The following USP11 variants were observed in gnomAD, a reference collection of about 807,000 sequenced individuals.
USP11 encodes ubiquitin specific peptidase 11, also known as ubiquitin carboxyl-terminal hydrolase 11.
A neutral mutation model predicts 72.8 loss-of-function variants in USP11; 5 were observed. The ratio of observed to expected loss-of-function variants is 0.07; its 90% CI spans 0.04 to 0.14. USP11 has a LOEUF of 0.14. USP11 is among the 10% of genes least tolerant of loss of function. The pLI is 1.00. For missense variants in USP11, 480 were observed against 794.7 expected (o/e 0.60, Z 4.76); for synonymous variants, 368 against 326.5 (o/e 1.13, Z -1.37).
At chrX:47,246,523 T>C (rs917571677) in intron 17 of USP11, among the ~76,000 whole-genome samples, 1 of 111,691 alleles carries the variant, frequency 9.0e-6, no homozygotes, top group African/African-American at 3.3e-5. Flanking sequence ...TAGCATCTCA[T>C]GGAACAGAAA....
rs3747466 is a variant in USP11, at chrX:47,240,487, G to A, written c.681+37G>A. 2.2e-3 allele frequency: 2,702 copies of A among 1,208,890 alleles called. 81 individuals carry two copies. The East Asian group carries it at 0.067, about 30-fold the overall frequency. ...GAGGGCTTTTCTGTTCAGGTGGACT[G>A]GCAGATAGACTCACCTGGCAGTACT... On this transcript the variant is annotated intron_variant, in intron 5 of 20. Coordinates refer to ENST00000377107, the MANE Select transcript of USP11 (RefSeq NM_001371072.1).
chrX:47,233,437 T>G lies in USP11; in HGVS notation c.176+218T>G, dbSNP rs1347162509. On this transcript the variant is annotated intron_variant, in intron 1 of 20. Coordinates refer to ENST00000377107, the MANE Select transcript of USP11 (RefSeq NM_001371072.1). ...GGCCTGTGTGGTGCAGTCTGACGCC[T>G]GAGAACAAAATGGGGTTTGTTGTGA... The G allele has an allele frequency of 3.8e-6, 4 of 1,063,484 alleles. No individual in the cohort carries two copies. In the East Asian group the frequency reaches 1.4e-4, roughly 37 times the overall value. The allele number at this position is 1,063,484 out of a possible 1,213,427, so 87.6% of individuals were successfully genotyped here.
rs1569233400 is a variant in USP11, at chrX:47,233,084, C to T, written c.41C>T (p.Ala14Val). The T allele has an allele frequency of 8.3e-7, 1 of 1,203,587 alleles. No individual in the cohort carries two copies. Among genetic ancestry groups the T allele is most frequent in the Admixed American group, 2.2e-5 (1 of 44,979 alleles). ...GCAAATCCAGCTGCTGCTGCGGCGG[C>T]TGTGGCGGCGGCAGCGGCGGTGACT... ...VAANPAAAAA[A>V]VAAAAAVTED... The change falls in exon 1 of 21, where the codon GCT becomes GTT. Residue 14 changes from alanine to valine, a missense_variant. By Grantham distance (64) the Ala-to-Val change is moderately conservative (BLOSUM62 0). This residue lies in a region of USP11 where 71 missense variants were observed against 71.4 expected (regional missense o/e 0.99). Transcript: ENST00000377107.
rs1453129074 is a variant in USP11, at chrX:47,239,137, A to T, written c.244A>T (p.Ser82Cys). The T allele has an allele frequency of 8.3e-7, 1 of 1,209,886 alleles. No homozygotes were observed. The highest frequency in any genetic ancestry group is 1.8e-5 in the South Asian group (1 of 56,526). The change falls in exon 2 of 21, where the codon AGC becomes TGC. Residue 82 changes from serine to cysteine, a missense_variant. Physicochemically the swap from Ser to Cys is moderately radical, Grantham distance 112. Coordinates refer to ENST00000377107, the MANE Select transcript of USP11 (RefSeq NM_001371072.1). Reference protein sequence around the residue: ...AYVQGGDQDSSTFPGCINNAT... With the variant: ...AYVQGGDQDSCTFPGCINNAT... ...CGTGCAGGGAGGGGACCAGGACTCC[A>T]GCACCTTCCCTGGCTGCATCAACAA...
At chrX:47,241,109 C>G (rs369374478) in intron 7 of USP11, 168 bp from the exon 8 acceptor site, 3 of 589,312 alleles carry the variant, frequency 5.1e-6, no homozygotes, top group East Asian at 3.6e-5. Flanking sequence ...TCTTCCTTCT[C>G]GTGAAATCCT....
At chrX:47,244,097 CTT>C (rs200759841) in intron 13 of USP11, among the ~76,000 whole-genome samples, 2 of 92,247 alleles carry the variant, frequency 2.2e-5, no homozygotes, top group Admixed American at 1.2e-4. Context: ...CGCTCCATAC[CTT>C]TTTTTTTTTT....
chrX:47,233,255 A>G, intron 1 of USP11, 36 bp downstream of exon 1: 1 of 1,131,251 alleles, frequency 8.8e-7, no homozygotes, highest in Non-Finnish European at 1.2e-6. Flanking sequence ...CGGCAGAGGG[A>G]ACGGTGGGGG....
rs1053794417 is a variant in USP11 at position 47,241,850 on chromosome X, T to C, written c.1179+151T>C. ...CTCCAGCCTTACTCTTAACCTTAGT[T>C]GCAATACCATATCTGCCCCCACAGT... is the stretch of plus-strand genomic sequence containing the variant. On this transcript the variant is annotated intron_variant, in intron 9 of 20. Transcript: ENST00000377107. The C allele has an allele frequency of 1.5e-5, 12 of 799,999 alleles. No homozygotes were observed. The African/African-American group carries it at 2.3e-4, about 15-fold the overall frequency. The allele number at this position is 799,999 out of a possible 1,213,427, so 65.9% of individuals were successfully genotyped here. A position where few individuals can be genotyped will look rare whatever the true frequency, so the allele number is the denominator to read the frequency against.
In USP11 at chrX:47,239,904, A is replaced by G. The variant is rs748448971; in HGVS notation, c.532A>G (p.Ile178Val). Residue 178 changes from isoleucine (I) to valine (V), a missense_variant, in exon 4 of 21, where the codon ATT (isoleucine) becomes GTT (valine). Transcript: ENST00000377107. The stretch of plus-strand genomic sequence containing the variant: ...TGTTCAGTTCAGCCATACCGATTCT[A>G]TTGGTGAGTCTAAGGGTCACGCAAT... ...HTVQFSHTDS[I>V]GLVLRTARER... 9 of 1,209,256 alleles carry G rather than the reference A, an allele frequency of 7.4e-6. No homozygotes were observed. Among genetic ancestry groups the G allele is most frequent in the Middle Eastern group, 2.3e-4 (1 of 4,343 alleles).
At chrX:47,246,603 A>G (rs956042201) in intron 17 of USP11, among the ~76,000 whole-genome samples, 1 of 111,233 alleles carries the variant, frequency 9.0e-6, no homozygotes, top group Non-Finnish European at 1.9e-5. Flanking sequence ...GAGTGAGTGA[A>G]AGGATTTTAA....
At chrX:47,240,089 G>A (rs1323350916) in intron 4 of USP11, among the ~76,000 whole-genome samples, 182 bp downstream of exon 4, 1 of 111,843 alleles carries the variant, frequency 8.9e-6, no homozygotes, top group Non-Finnish European at 1.9e-5. Context: ...AGCCCTGAGG[G>A]TATGTGAGCT....
At chrX:47,238,800 A>G (rs746637948) in intron 1 of USP11, among the ~76,000 whole-genome samples, 24 of 111,545 alleles carry the variant, frequency 2.2e-4, no homozygotes, top group Non-Finnish European at 4.0e-4. Flanking sequence ...TCCTAGCACT[A>G]TAAGTATGGA....
intron 2 of USP11, 63 bp from the exon 3 acceptor site, chrX:47,239,288 C>T: frequency 8.4e-7 from 1 of 1,188,109 alleles, no homozygotes; most frequent in Non-Finnish European, 1.1e-6. Flanking sequence ...GTGGGGTGGC[C>T]AGAGTCATTC....
rs999672376 is a variant in USP11 at position 47,244,794 on chromosome X, G to A, written c.1956G>A (p.Pro652=). Residue 652 remains proline, a synonymous_variant, in exon 15 of 21, where the codon CCG becomes CCA. Coordinates refer to ENST00000377107, the MANE Select transcript of USP11 (RefSeq NM_001371072.1). ...GCTCTGGAGTCACGAACAGGTGCCC[G>A]TTCCTCCTGGACAATTGCCTTGGCA... ...GPSSGVTNRC[P]FLLDNCLGTS... 7 of 1,210,446 alleles carry A rather than the reference G, an allele frequency of 5.8e-6. No individual in the cohort carries two copies. Among genetic ancestry groups the A allele is most frequent in the African/African-American group, 5.2e-5 (3 of 57,389 alleles).
chrX:47,244,564 C>T lies in USP11; in HGVS notation c.1843+14C>T, dbSNP rs771495776. On this transcript the variant is annotated intron_variant, in intron 14 of 20. Transcript: ENST00000377107. ...GGGATGAGAAAGGTGAGGGGGCTAA[C>T]AGTCAGTGGGCGGGGGCTCTGGGTT... 4.1e-6 allele frequency: 5 copies of T among 1,210,943 alleles called. No individual in the cohort carries two copies. The South Asian group carries it at 8.8e-5, about 21-fold the overall frequency.
At chrX:47,233,391 C>A (rs947791265) in intron 1 of USP11, 172 bp downstream of exon 1, 2 of 1,076,783 alleles carry the variant, frequency 1.9e-6, no homozygotes, top group Non-Finnish European at 2.4e-6. Flanking sequence ...GAATGAATCG[C>A]AACGTCTGGA....
chrX:47,234,805 C>T (rs1164857791), intron 1 of USP11, among the ~76,000 whole-genome samples: 3 of 112,008 alleles, frequency 2.7e-5, no homozygotes, highest in Non-Finnish European at 5.6e-5. Context: ...TTGACTTAGT[C>T]ATTCCACAAT....
intron 19 of USP11, 75 bp downstream of exon 19, chrX:47,247,494 T>C: frequency 8.7e-7 from 1 of 1,154,542 alleles, no homozygotes; most frequent in Non-Finnish European, 1.2e-6. Flanking sequence ...TCCCAGTGAG[T>C]GACTAGGGAT....
rs895181839 is a variant in USP11 at position 47,247,988 on chromosome X, T to G, written c.*58T>G. The G allele has an allele frequency of 5.3e-6, 6 of 1,128,441 alleles. No individual in the cohort carries two copies. The African/African-American group carries it at 7.6e-5, about 14-fold the overall frequency. 93.0% of individuals were successfully genotyped at this position (1,128,441 alleles called of 1,213,427 possible). ...AAAAAGCCCTCTCTGCAATCTCGCTTCTCGTGTCCGCCCCGCTTCTCTTAT... is the reference window on the plus strand; with the variant it reads ...AAAAAGCCCTCTCTGCAATCTCGCTGCTCGTGTCCGCCCCGCTTCTCTTAT... On this transcript the variant is annotated 3_prime_UTR_variant, in exon 21 of 21. Transcript: ENST00000377107.
Sources: allele counts gnomAD v4.1 joint callset (sites outside exome capture counted in the v4.1 genomes callset), GRCh38; gene constraint gnomAD v4.1.1; regional missense constraint gnomAD v4.1.1; transcripts MANE v1.5; gene names NCBI Gene and HGNC (gene_info 2026-07-23, HGNC 2026-07-21).